TEAD1: variants seen among roughly 807,000 people sequenced by gnomAD.
The protein encoded by TEAD1 is TEA domain transcription factor 1.
In TEAD1, 9 loss-of-function variants were observed where a neutral mutation model predicts 54.9. The observed-to-expected ratio is 0.16, with a 90% confidence interval of 0.10 to 0.29. TEAD1 has a LOEUF of 0.29. Ranked by LOEUF, TEAD1 falls within the 10% of genes least tolerant of loss-of-function variation. The probability of loss-of-function intolerance (pLI) is 1.00; values close to 1 mark genes in which losing one functional copy is unlikely to be tolerated. For synonymous variants in TEAD1, 200 were observed against 187.8 expected (o/e 1.07, Z -0.53); for missense variants, 387 against 535.9 (o/e 0.72, Z 2.74).
At chr11:12,932,491 C>T (rs1949028480) in intron 12 of TEAD1, among the ~76,000 whole-genome samples, 1 of 152,026 alleles carries the variant, frequency 6.6e-6, no homozygotes, top group African/African-American at 2.4e-5. Context: ...GTTCTCAGTC[C>T]GTAAAACTCT....
At chr11:12,869,754 A>G (rs2134079211) in intron 5 of TEAD1, among the ~76,000 whole-genome samples, 1 of 152,316 alleles carries the variant, frequency 6.6e-6, no homozygotes, top group Non-Finnish European at 1.5e-5. Flanking sequence ...TTCAACCAAA[A>G]TTAATCTTCC....
intron 9 of TEAD1, among the ~76,000 whole-genome samples, chr11:12,898,240 C>T (rs1309777406): frequency 6.6e-6 from 1 of 152,114 alleles, no homozygotes; most frequent in Non-Finnish European, 1.5e-5. Context: ...TCACTGCTTG[C>T]TCCCAGCTCT....
chr11:12,907,298 T>C (rs1589978748), intron 10 of TEAD1, among the ~76,000 whole-genome samples: 1 of 152,186 alleles, frequency 6.6e-6, no homozygotes, highest in Admixed American at 6.5e-5. Context: ...AATGGAAAGA[T>C]AGGTGAGTAG....
intron 3 of TEAD1, among the ~76,000 whole-genome samples, chr11:12,792,763 G>A (rs925034995): frequency 2.6e-5 from 4 of 152,188 alleles, no homozygotes; most frequent in Admixed American, 1.3e-4. Context: ...GTCCCAAAAT[G>A]TTACAAAATG....
intron 4 of TEAD1, chr11:12,864,617 TTTTTGTTTTGTTTTGTTTTG>T (rs78050843): frequency 8.4e-6 from 8 of 954,788 alleles, no homozygotes; most frequent in African/African-American, 1.8e-5. Flanking sequence ...TTGATTTCCT[TTTTTGTTTTGTTTTGTTTTG>T]TTTTGTTTTG....
At chr11:12,936,982 A>C in intron 12 of TEAD1, 127 bp from the exon 13 acceptor site, 1 of 678,712 alleles carries the variant, frequency 1.5e-6, no homozygotes, top group Non-Finnish European at 2.7e-6. Context: ...GAGGACACAG[A>C]GTGAGGCTGA....
intron 3 of TEAD1, among the ~76,000 whole-genome samples, chr11:12,765,481 G>C (rs1945188473): frequency 6.6e-6 from 1 of 152,132 alleles, no homozygotes; most frequent in African/African-American, 2.4e-5. Flanking sequence ...GATTATTTCT[G>C]AACAATTGGA....
At position 12,828,848 on chromosome 11, in the gene TEAD1, T is replaced by C. The variant is rs191983632; in HGVS notation, c.203-33402T>C. ...TGACTCTTTTGTCCTGAATTTTTTT[T>C]TTTTTTACCCCGTATTTCTTGAAAC... is the stretch of plus-strand genomic sequence containing the variant. On this transcript the variant is annotated intron_variant, in intron 3 of 12. Coordinates refer to ENST00000527636, the MANE Select transcript of TEAD1 (RefSeq NM_021961.6). Among the ~76,000 whole-genome samples the C allele has an allele frequency of 7.6e-3, 1,151 of 152,054 alleles. 4 individuals carry two copies. The highest frequency in any genetic ancestry group is 0.012 in the Non-Finnish European group (833 of 67,970).
intron 2 of TEAD1, among the ~76,000 whole-genome samples, chr11:12,720,417 A>G (rs919502159): frequency 1.3e-5 from 2 of 152,190 alleles, no homozygotes; most frequent in Non-Finnish European, 2.9e-5. Flanking sequence ...AAATTCTACA[A>G]TGCTTATAGT....
At chr11:12,732,213 A>G (rs964126353) in intron 2 of TEAD1, among the ~76,000 whole-genome samples, 10 of 152,100 alleles carry the variant, frequency 6.6e-5, no homozygotes, top group South Asian at 4.1e-4. Flanking sequence ...CATAGTCACT[A>G]TCCCTTCCAA....
intron 2 of TEAD1, among the ~76,000 whole-genome samples, chr11:12,730,020 T>TCTAA (rs1165654180): frequency 2.4e-4 from 37 of 152,260 alleles, no homozygotes; most frequent in African/African-American, 8.7e-4. Context: ...GGTAACTGGG[T>TCTAA]CTAACATAGG....
chr11:12,791,118 A>T (rs1214510114), intron 3 of TEAD1, among the ~76,000 whole-genome samples: 1 of 152,210 alleles, frequency 6.6e-6, no homozygotes, highest in East Asian at 1.9e-4. Context: ...ATGTTAGGAC[A>T]CCCTATAGAG....
At chr11:12,764,494 AT>A in intron 3 of TEAD1, 60 bp downstream of exon 3, 1 of 1,582,980 alleles carries the variant, frequency 6.3e-7, no homozygotes, top group Non-Finnish European at 8.7e-7. Flanking sequence ...TAGGGGATAG[AT>A]TGTAGCTGGT....
chr11:12,870,025 G>A (rs1396750296), intron 5 of TEAD1, among the ~76,000 whole-genome samples: 1 of 151,898 alleles, frequency 6.6e-6, no homozygotes, highest in Non-Finnish European at 1.5e-5. Context: ...GATTACAGGC[G>A]CTCATCACGA....
In TEAD1 at chr11:12,922,351, T is replaced by C. The variant is rs1293379766; in HGVS notation, c.874-2561T>C. 15 of 81,534 alleles carry C rather than the reference T, an allele frequency of 1.8e-4. 2 individuals carry two copies. The highest frequency in any genetic ancestry group is 7.2e-4 in the East Asian group (2 of 2,770). The allele number at this position is 81,534 out of a possible 1,614,324, so 5.1% of individuals were successfully genotyped here. ...AGCTGGGACTACAGGCGCCCGCCAC[T>C]ACGCCCGGCTAATTTTTTGTATTTT... is the stretch of plus-strand genomic sequence containing the variant. On this transcript the variant is annotated intron_variant, in intron 10 of 12. Transcript: ENST00000527636.
chr11:12,870,360 C>A (rs1225674908), intron 5 of TEAD1, among the ~76,000 whole-genome samples: 3 of 151,716 alleles, frequency 2.0e-5, no homozygotes, highest in Non-Finnish European at 4.4e-5. Flanking sequence ...GATGGTTGAA[C>A]TAGAAAGGGA....
intron 3 of TEAD1, among the ~76,000 whole-genome samples, chr11:12,791,903 A>G (rs1298120525): frequency 6.6e-6 from 1 of 152,218 alleles, no homozygotes; most frequent in African/African-American, 2.4e-5. Context: ...AAGTTAAACC[A>G]AAACATCTAA....
chr11:12,784,650 C>T (rs1363201845), intron 3 of TEAD1, among the ~76,000 whole-genome samples: 1 of 152,154 alleles, frequency 6.6e-6, no homozygotes, highest in African/African-American at 2.4e-5. Flanking sequence ...TTGATGGAAG[C>T]AGATGATTTT....
chr11:12,809,440 C>G (rs1458267707), intron 3 of TEAD1, among the ~76,000 whole-genome samples: 8 of 152,170 alleles, frequency 5.3e-5, no homozygotes, highest in Non-Finnish European at 1.2e-4. Flanking sequence ...GCTGGGCCCC[C>G]ATTTCTGAAT....
Sources: gnomAD v4.1 joint callset for allele counts (sites outside exome capture counted in the v4.1 genomes callset) on GRCh38, gnomAD v4.1.1 for gene constraint, MANE v1.5 for transcripts, NCBI Gene and HGNC (gene_info 2026-07-23, HGNC 2026-07-21) for gene names.